SLC6A11: variants seen among roughly 807,000 people sequenced by gnomAD.
SLC6A11 encodes sodium- and chloride-dependent GABA transporter 3.
A neutral mutation model predicts 74.8 loss-of-function variants in SLC6A11; 25 were observed. The observed-to-expected ratio is 0.33, with a 90% CI of 0.24 to 0.47. The LOEUF is 0.47. Ranked by LOEUF, SLC6A11 falls within the 20% of genes least tolerant of loss-of-function variation. The pLI is 1.00. For missense variants in SLC6A11, 574 were observed against 837.0 expected (o/e 0.69, Z 3.88); for synonymous variants, 330 against 330.2 (o/e 1.00, Z 0.01).
chr3:10,925,982 TTC>T lies in SLC6A11; in HGVS notation c.1121-13_1121-12del, dbSNP rs764683366. ...AGGGATGGGACTCCACCCAGTGGCT[TTC>T]TCTCTCTCCCTCGCTCCAGGCCCCG... On this transcript the variant is annotated intron_variant, in intron 8 of 13. Coordinates refer to ENST00000254488, the MANE Select transcript of SLC6A11 (RefSeq NM_014229.3). The T allele has an allele frequency of 1.1e-5, 16 of 1,415,550 alleles. No homozygotes were observed. The Admixed American group carries it at 1.6e-4, about 14-fold the overall frequency. The allele number at this position is 1,415,550 out of a possible 1,614,324, so 87.7% of individuals were successfully genotyped here.
chr3:10,900,427 C>G (rs888708127), intron 6 of SLC6A11, among the ~76,000 whole-genome samples: 2 of 152,238 alleles, frequency 1.3e-5, no homozygotes, highest in Admixed American at 6.5e-5. Flanking sequence ...TCTCAGGAAG[C>G]TTCCATTCCA....
At chr3:10,836,228 T>G (rs1559555512) in intron 4 of SLC6A11, among the ~76,000 whole-genome samples, 1 of 152,252 alleles carries the variant, frequency 6.6e-6, no homozygotes, top group Non-Finnish European at 1.5e-5. Flanking sequence ...AAAATACTGT[T>G]GCATGGGTAG....
chr3:10,908,532 C>T lies in SLC6A11; in HGVS notation c.892-3558C>T, dbSNP rs578256673. Among the ~76,000 whole-genome samples, 12 of 151,566 alleles carry T rather than the reference C, an allele frequency of 7.9e-5. No homozygotes were observed. The South Asian group carries it at 2.3e-3, about 29-fold the overall frequency. Reference sequence around the variant, plus strand: ...TAAAGATTCATGTGAATCTTTAAGCCCAACATGCCCTCTTTCATCTCTTCT... The same window carrying T: ...TAAAGATTCATGTGAATCTTTAAGCTCAACATGCCCTCTTTCATCTCTTCT... On this transcript the variant is annotated intron_variant, in intron 6 of 13. Coordinates refer to ENST00000254488, the MANE Select transcript of SLC6A11 (RefSeq NM_014229.3).
intron 5 of SLC6A11, among the ~76,000 whole-genome samples, chr3:10,871,595 C>T (rs1437217656): frequency 4.6e-5 from 7 of 152,034 alleles, no homozygotes; most frequent in East Asian, 1.9e-4. Flanking sequence ...TATGAAATGC[C>T]GAAGATCTAT....
At chr3:10,886,340 T>TGGGGTCAAGGGA (rs1695042193) in intron 6 of SLC6A11, among the ~76,000 whole-genome samples, 1 of 152,184 alleles carries the variant, frequency 6.6e-6, no homozygotes, top group Non-Finnish European at 1.5e-5. Flanking sequence ...CAAGGAGCCC[T>TGGGGTCAAGGGA]CTGTGGCCTG....
At chr3:10,930,483 G>A (rs1219815005) in intron 10 of SLC6A11, among the ~76,000 whole-genome samples, 1 of 152,170 alleles carries the variant, frequency 6.6e-6, no homozygotes, top group Non-Finnish European at 1.5e-5. Flanking sequence ...TAATGAGAGT[G>A]ATAATCAGTG....
At chr3:10,858,706 CCT>C (rs1694667333) in intron 5 of SLC6A11, among the ~76,000 whole-genome samples, 1 of 152,200 alleles carries the variant, frequency 6.6e-6, no homozygotes. Context: ...ACTGGAAGCC[CCT>C]CTGTTTTTCT....
At chr3:10,844,060 T>C (rs1489671217) in intron 4 of SLC6A11, among the ~76,000 whole-genome samples, 154 bp from the exon 5 acceptor site, 1 of 152,236 alleles carries the variant, frequency 6.6e-6, no homozygotes, top group East Asian at 1.9e-4. Context: ...CTTGTTCCTC[T>C]TGGAGGCCCC....
intron 5 of SLC6A11, among the ~76,000 whole-genome samples, chr3:10,848,345 G>T (rs753588486): frequency 5.3e-5 from 8 of 152,200 alleles, no homozygotes; most frequent in Non-Finnish European, 1.0e-4. Context: ...TCCAGGAAGC[G>T]CTGGCATTAG....
chr3:10,872,332 G>A (rs11717388), intron 5 of SLC6A11, among the ~76,000 whole-genome samples: 4,553 of 152,324 alleles, frequency 0.03, 116 homozygotes, highest in East Asian at 0.11. Context: ...CTAAGTAAAT[G>A]CAGCCATTGT....
chr3:10,869,854 C>G (rs1402964767), intron 5 of SLC6A11, among the ~76,000 whole-genome samples: 1 of 151,822 alleles, frequency 6.6e-6, no homozygotes, highest in East Asian at 1.9e-4. Context: ...TGAATGGCAC[C>G]AGCAATGGCG....
rs1694201000 is a variant in SLC6A11 at position 10,825,777 on chromosome 3, G to T, written c.623+2385G>T. ...TATAAATAACCTATTTTCCCAGTAGGACTTACTGATCATTCATTCTTTTCT... is the reference window on the plus strand; with the variant it reads ...TATAAATAACCTATTTTCCCAGTAGTACTTACTGATCATTCATTCTTTTCT... On this transcript the variant is annotated intron_variant, in intron 4 of 13. Transcript: ENST00000254488. Among the ~76,000 whole-genome samples the T allele has an allele frequency of 3.3e-5, 5 of 152,182 alleles. No homozygotes were observed. The South Asian group carries it at 1.0e-3, about 32-fold the overall frequency.
intron 8 of SLC6A11, among the ~76,000 whole-genome samples, chr3:10,921,300 A>G (rs1399729062): frequency 2.0e-5 from 3 of 152,186 alleles, no homozygotes; most frequent in East Asian, 3.8e-4. Flanking sequence ...GTATTTTGTA[A>G]TGATTGATGT....
At chr3:10,913,989 G>A (rs751060026) in intron 7 of SLC6A11, among the ~76,000 whole-genome samples, 12 of 152,144 alleles carry the variant, frequency 7.9e-5, no homozygotes, top group African/African-American at 1.7e-4. Flanking sequence ...CACGGTGCCC[G>A]GCCAACACAC....
Position 10,933,214 on chromosome 3 carries a change from G to T in SLC6A11, c.1435G>T (p.Val479Leu). 1.2e-6 allele frequency: 2 copies of T among 1,614,028 alleles called. No homozygotes were observed. Among genetic ancestry groups the T allele is most frequent in the Non-Finnish European group, 1.7e-6 (2 of 1,179,968 alleles). Residue 479 changes from valine to leucine, a missense_variant, in exon 11 of 14, where the codon GTG (valine) becomes TTG (leucine). By Grantham distance (32) the Val-to-Leu change is conservative. Around this residue, in one of 4 missense-constraint regions of SLC6A11, gnomAD observed 257 missense variants for 341.5 expected, o/e 0.75. Transcript: ENST00000254488. Reference protein sequence around the residue: ...YAASGMCLLFVAIFECICIGW... With the variant: ...YAASGMCLLFLAIFECICIGW... ...CGCCAGTGGGATGTGCCTTCTCTTC[G>T]TGGCCATCTTTGAGTGCATCTGCAT...
Position 10,816,657 on chromosome 3 carries a change from C to G in SLC6A11, c.256+136C>G, listed in dbSNP as rs1694065466. ...CGGAGAACCTCGACTCCAGGCACCTCGCGTGTGAGCTCGCCCCGGAGCGCG... is the reference window on the plus strand; with the variant it reads ...CGGAGAACCTCGACTCCAGGCACCTGGCGTGTGAGCTCGCCCCGGAGCGCG... On this transcript the variant is annotated intron_variant, in intron 1 of 13. Coordinates refer to ENST00000254488, the MANE Select transcript of SLC6A11 (RefSeq NM_014229.3). This position sits in a 1 kb window ranked among gnomAD's most constrained non-coding sequence, Gnocchi z 4.2. 2 of 927,842 alleles carry G rather than the reference C, an allele frequency of 2.2e-6. No homozygotes were observed. Among genetic ancestry groups the G allele is most frequent in the Admixed American group, 3.5e-5 (1 of 28,638 alleles). 57.5% of individuals were successfully genotyped at this position (927,842 alleles called of 1,614,324 possible).
In SLC6A11 at chr3:10,935,219, G is replaced by A. The variant is rs1263648327; in HGVS notation, c.1746+20G>A. On this transcript the variant is annotated intron_variant, in intron 13 of 13. Transcript: ENST00000254488. ...CCCGAGGTGAGACCGCCCCAGGAGG[G>A]CTGGTGCGTTTGGGCAGGGTTCGCG... 1.2e-6 allele frequency: 2 copies of A among 1,612,488 alleles called. No homozygotes were observed. Among genetic ancestry groups the A allele is most frequent in the South Asian group, 1.1e-5 (1 of 90,966 alleles).
At chr3:10,829,163 T>C (rs1412877247) in intron 4 of SLC6A11, among the ~76,000 whole-genome samples, 1 of 152,224 alleles carries the variant, frequency 6.6e-6, no homozygotes, top group Non-Finnish European at 1.5e-5. Flanking sequence ...AAGAAGATTT[T>C]TTGCAATTGG....
chr3:10,906,920 C>G (rs936974040), intron 6 of SLC6A11, among the ~76,000 whole-genome samples: 3 of 152,174 alleles, frequency 2.0e-5, no homozygotes, highest in Non-Finnish European at 4.4e-5. Flanking sequence ...CACTCTCATT[C>G]CTCTACGCAA....
Sources: allele counts gnomAD v4.1 joint callset (sites outside exome capture counted in the v4.1 genomes callset), GRCh38; gene constraint gnomAD v4.1.1; regional missense constraint gnomAD v4.1.1; non-coding constraint Gnocchi (gnomAD v3.1); transcripts MANE v1.5; gene names NCBI Gene and HGNC (gene_info 2026-07-23, HGNC 2026-07-21).